The following NFIA variants were observed in gnomAD, a reference collection of about 807,000 sequenced individuals.
NFIA encodes the protein nuclear factor 1 A-type.
Under a neutral mutation model 62.8 loss-of-function variants are expected in NFIA, and 8 were observed. The observed-to-expected ratio is 0.13, with a 90% CI of 0.07 to 0.23. The LOEUF (loss-of-function observed/expected upper bound fraction) is 0.23, where lower values mean the gene tolerates loss of function less well. Among genes scored for constraint, NFIA ranks in the 10% least tolerant of loss-of-function variants. The pLI is 1.00. For missense variants in NFIA, 410 were observed against 642.1 expected (o/e 0.64, Z 3.91); for synonymous variants, 235 against 238.1 (o/e 0.99, Z 0.12).
chr1:61,213,907 G>A lies in NFIA; in HGVS notation c.560-63613G>A, dbSNP rs1030266117. ...TTTAAGTCCTGCTGACGCACCAGGCGTGTGTTGGCTCGTGGTTGTACTTTT... is the reference window on the plus strand; with the variant it reads ...TTTAAGTCCTGCTGACGCACCAGGCATGTGTTGGCTCGTGGTTGTACTTTT... On this transcript the variant is annotated intron_variant, in intron 2 of 10. Coordinates refer to ENST00000403491, the MANE Select transcript of NFIA (RefSeq NM_001134673.4). Among the ~76,000 whole-genome samples, 7 of 152,154 alleles carry A rather than the reference G, an allele frequency of 4.6e-5. 1 individual carries two copies. In the East Asian group the frequency reaches 7.7e-4, roughly 17 times the overall value.
At chr1:61,377,761 CA>C (rs1394412810) in intron 6 of NFIA, among the ~76,000 whole-genome samples, 1 of 152,164 alleles carries the variant, frequency 6.6e-6, no homozygotes, top group Non-Finnish European at 1.5e-5. Flanking sequence ...ACTCCTGCGA[CA>C]GACAAGATAA....
Position 61,455,619 on chromosome 1 carries a change from T to C in NFIA, c.*299T>C, listed in dbSNP as rs1668267859. The C allele has an allele frequency of 2.1e-6, 1 of 469,362 alleles. No homozygotes were observed. Among genetic ancestry groups the C allele is most frequent in the Non-Finnish European group, 3.7e-6 (1 of 269,644 alleles). The allele number at this position is 469,362 out of a possible 1,614,324, so 29.1% of individuals were successfully genotyped here. ...AAGTGTTTCCATGGTAGCGTGAGCA[T>C]TAGGTGACGTGGCTAGCGGAGGACT... On this transcript the variant is annotated 3_prime_UTR_variant, in exon 11 of 11. Transcript: ENST00000403491.
At chr1:61,295,383 A>G (rs533764496) in intron 3 of NFIA, among the ~76,000 whole-genome samples, 3 of 152,308 alleles carry the variant, frequency 2.0e-5, no homozygotes, top group African/African-American at 7.2e-5. Flanking sequence ...TGTCCACCTC[A>G]TATTTCCTAG....
At chr1:61,361,509 A>G (rs924701419) in intron 6 of NFIA, among the ~76,000 whole-genome samples, 1 of 144,582 alleles carries the variant, frequency 6.9e-6, no homozygotes, top group African/African-American at 2.6e-5. Context: ...TGCATATTGA[A>G]GCTGCTTTAT....
chr1:61,391,206 G>A (rs986119695), intron 7 of NFIA, among the ~76,000 whole-genome samples: 9 of 151,946 alleles, frequency 5.9e-5, no homozygotes, highest in African/African-American at 1.7e-4. Context: ...GACTACAGGC[G>A]CATGCCACTA....
upstream of NFIA, chr1:61,082,557 A>G (rs541853325): frequency 3.5e-6 from 5 of 1,435,918 alleles, no homozygotes; most frequent in African/African-American, 5.9e-5. Flanking sequence ...GGGAAACTCT[A>G]GGCGGGGTTA....
chr1:61,246,084 G>T (rs930147606), intron 2 of NFIA, among the ~76,000 whole-genome samples: 10 of 152,138 alleles, frequency 6.6e-5, no homozygotes, highest in Non-Finnish European at 1.5e-4. Flanking sequence ...TGCTTTATGT[G>T]TCCACAGTTT....
intron 2 of NFIA, among the ~76,000 whole-genome samples, chr1:61,184,114 G>GA (rs1650952955): frequency 3.8e-5 from 5 of 132,570 alleles, no homozygotes; most frequent in African/African-American, 1.5e-4. Context: ...TATGGGGGGG[G>GA]GAAAAAAAAC....
intron 9 of NFIA, among the ~76,000 whole-genome samples, chr1:61,409,377 ATAC>A (rs1174232039): frequency 6.6e-6 from 1 of 152,196 alleles, no homozygotes; most frequent in Non-Finnish European, 1.5e-5. Context: ...GTTTCACAGC[ATAC>A]TATTGCTTAC....
rs369356531 is a variant in NFIA at position 61,176,999 on chromosome 1, G to A, written c.559+88319G>A. On this transcript the variant is annotated intron_variant, in intron 2 of 10. Transcript: ENST00000403491. The stretch of plus-strand genomic sequence containing the variant: ...CGGGCGCCTGTAGTCCCAGCTACTC[G>A]GCAGGCTGAGGCAGGAGAATAGCGT... Among the ~76,000 whole-genome samples the A allele has an allele frequency of 4.8e-4, 73 of 152,000 alleles. 1 individual carries two copies. The highest frequency in any genetic ancestry group is 1.1e-3 in the African/African-American group (47 of 41,460).
At chr1:61,149,617 T>C (rs937495984) in intron 2 of NFIA, among the ~76,000 whole-genome samples, 1 of 152,206 alleles carries the variant, frequency 6.6e-6, no homozygotes, top group Non-Finnish European at 1.5e-5. Flanking sequence ...CATGATCTAA[T>C]GGAAAGCTAA....
At chr1:61,094,461 T>A (rs1327826600) in intron 2 of NFIA, among the ~76,000 whole-genome samples, 1 of 152,254 alleles carries the variant, frequency 6.6e-6, no homozygotes, top group African/African-American at 2.4e-5. Flanking sequence ...AGACACTATT[T>A]AGAGCTTTGG....
Position 61,428,830 on chromosome 1 carries a change from T to G in NFIA, c.1512+2274T>G, listed in dbSNP as rs138619110. On this transcript the variant is annotated intron_variant, in intron 10 of 10. Coordinates refer to ENST00000403491, the MANE Select transcript of NFIA (RefSeq NM_001134673.4). ...CTTGTGTTTTTCTATATTGATACCC[T>G]TGTTACAAAGCATGACATTTATATT... 3.1e-3 allele frequency among the ~76,000 whole-genome samples: 471 copies of G among 152,294 alleles called. 2 individuals carry two copies. The highest frequency in any genetic ancestry group is 0.011 in the African/African-American group (455 of 41,570).
chr1:61,147,602 A>G (rs757363105), intron 2 of NFIA, among the ~76,000 whole-genome samples: 8 of 152,364 alleles, frequency 5.3e-5, no homozygotes, highest in African/African-American at 1.4e-4. Flanking sequence ...GTGGAAAAAT[A>G]CGGTCATTGT....
chr1:61,332,193 A>G (rs748002812), intron 3 of NFIA, among the ~76,000 whole-genome samples: 20 of 152,174 alleles, frequency 1.3e-4, no homozygotes, highest in Non-Finnish European at 2.5e-4. Context: ...TTTTATCCCA[A>G]TTGTTAAGGT....
rs369581117 is a variant in NFIA, at chr1:61,209,131, T to C, written c.560-68389T>C. ...AAACACAAGAGTTTTGTTTTTTTTT[T>C]CCCCTGTCAGATATTGGTCTTTTGT... On this transcript the variant is annotated intron_variant, in intron 2 of 10. Coordinates refer to ENST00000403491, the MANE Select transcript of NFIA (RefSeq NM_001134673.4). Among the ~76,000 whole-genome samples, 6 of 152,222 alleles carry C rather than the reference T, an allele frequency of 3.9e-5. 1 individual carries two copies. Among genetic ancestry groups the C allele is most frequent in the Middle Eastern group, 6.8e-3 (2 of 294 alleles).
intron 9 of NFIA, among the ~76,000 whole-genome samples, chr1:61,408,416 A>G (rs1665950101): frequency 6.6e-6 from 1 of 152,242 alleles, no homozygotes; most frequent in Non-Finnish European, 1.5e-5. Context: ...TAAACAAGTC[A>G]GAGAAATAAC....
At chr1:61,077,462 C>T, upstream of NFIA, 1 of 536,004 alleles carries the variant, frequency 1.9e-6, no homozygotes. Context: ...AAAAATTCTC[C>T]AAGAAGCCTG....
At chr1:61,296,732 T>A (rs1659208439) in intron 3 of NFIA, among the ~76,000 whole-genome samples, 1 of 152,190 alleles carries the variant, frequency 6.6e-6, no homozygotes, top group Non-Finnish European at 1.5e-5. Flanking sequence ...CCTGTAACTT[T>A]AAGACATCAA....
Sources: gnomAD v4.1 joint callset for allele counts (sites outside exome capture counted in the v4.1 genomes callset) on GRCh38, gnomAD v4.1.1 for gene constraint, MANE v1.5 for transcripts, NCBI Gene and HGNC (gene_info 2026-07-23, HGNC 2026-07-21) for gene names.